Variants in LPAR1 observed in about 807,000 individuals in gnomAD.
The protein encoded by LPAR1 is LPA receptor 1.
LPAR1 carries 5 observed loss-of-function variants against 23.8 expected under a neutral mutation model. The observed-to-expected ratio is 0.21, with a 90% CI of 0.11 to 0.44. The LOEUF (loss-of-function observed/expected upper bound fraction) is 0.44. Among genes scored for constraint, LPAR1 ranks in the 20% least tolerant of loss-of-function variants. The pLI is 0.99. For missense variants in LPAR1, 311 were observed against 482.8 expected, an observed-to-expected ratio of 0.64 and a Z score of 3.33; for synonymous variants, 160 against 164.7, an observed-to-expected ratio of 0.97 and a Z score of 0.22.
chr9:110,978,837 T>G (rs145078148), intron 2 of LPAR1, among the ~76,000 whole-genome samples: 51 of 152,248 alleles, frequency 3.3e-4, no homozygotes, highest in African/African-American at 1.1e-3. Flanking sequence ...ACAGGATGCT[T>G]AAAAAGTGGT....
intron 5 of LPAR1, among the ~76,000 whole-genome samples, chr9:110,910,480 G>A (rs956154343): frequency 2.0e-5 from 3 of 152,170 alleles, no homozygotes; most frequent in Non-Finnish European, 4.4e-5. Context: ...GGATATTAAT[G>A]TTGTGTTCAT....
At chr9:110,884,447 A>G (rs779388446) in intron 5 of LPAR1, among the ~76,000 whole-genome samples, 3 of 152,218 alleles carry the variant, frequency 2.0e-5, no homozygotes, top group Non-Finnish European at 4.4e-5. Context: ...TACTTCTGTC[A>G]TCAGACTATT....
chr9:111,019,335 A>C (rs564840474), intron 2 of LPAR1, among the ~76,000 whole-genome samples: 2 of 152,260 alleles, frequency 1.3e-5, no homozygotes, highest in East Asian at 3.9e-4. Flanking sequence ...AAAAGATAAT[A>C]AACAGTATTT....
chr9:110,965,053 T>C (rs1219350404), intron 4 of LPAR1, among the ~76,000 whole-genome samples: 1 of 151,934 alleles, frequency 6.6e-6, no homozygotes, highest in Non-Finnish European at 1.5e-5. Flanking sequence ...GTATTTTCAG[T>C]AGAGACGGGG....
intron 5 of LPAR1, among the ~76,000 whole-genome samples, chr9:110,905,139 G>C (rs1392996275): frequency 7.0e-6 from 1 of 142,812 alleles, no homozygotes; most frequent in Non-Finnish European, 1.6e-5. Flanking sequence ...GGAACTAAAG[G>C]AACTATATGA....
intron 2 of LPAR1, among the ~76,000 whole-genome samples, chr9:111,034,782 G>C (rs1443109004): frequency 6.6e-6 from 1 of 151,872 alleles, no homozygotes; most frequent in Non-Finnish European, 1.5e-5. Flanking sequence ...CTTCCTCCTT[G>C]CCTCCCTATC....
At chr9:110,974,002 C>T (rs1295881296) in intron 2 of LPAR1, among the ~76,000 whole-genome samples, 4 of 152,076 alleles carry the variant, frequency 2.6e-5, no homozygotes, top group Non-Finnish European at 5.9e-5. Context: ...GAAACCCCAT[C>T]TCTACTTAAA....
chr9:110,961,931 G>C (rs939171724), intron 4 of LPAR1, among the ~76,000 whole-genome samples: 2 of 152,138 alleles, frequency 1.3e-5, no homozygotes, highest in African/African-American at 4.8e-5. Context: ...ATTTGGGTGG[G>C]AACACAGTCA....
At chr9:110,959,055 C>CAA (rs61391639) in intron 4 of LPAR1, among the ~76,000 whole-genome samples, 8 of 99,608 alleles carry the variant, frequency 8.0e-5, no homozygotes, top group African/African-American at 2.8e-4. Flanking sequence ...ATTAAAAAGA[C>CAA]AAAAAAAAAA....
intron 2 of LPAR1, among the ~76,000 whole-genome samples, chr9:111,024,172 A>G (rs972386662): frequency 2.6e-5 from 4 of 152,094 alleles, no homozygotes; most frequent in South Asian, 2.1e-4. Context: ...AATGTAGAAA[A>G]AAATCCTGAG....
At chr9:110,946,552 C>T (rs774318710) in intron 4 of LPAR1, among the ~76,000 whole-genome samples, 5 of 151,848 alleles carry the variant, frequency 3.3e-5, no homozygotes, top group East Asian at 1.9e-4. Flanking sequence ...TGTTTTCATA[C>T]GAGGACAATA....
At chr9:110,892,827 A>C (rs1478514722) in intron 5 of LPAR1, among the ~76,000 whole-genome samples, 1 of 27,774 alleles carries the variant, frequency 3.6e-5, no homozygotes, top group African/African-American at 2.0e-4. Flanking sequence ...GAAGGAAGGA[A>C]GGCAGGCAGG....
intron 2 of LPAR1, among the ~76,000 whole-genome samples, chr9:111,008,033 G>A (rs1268564892): frequency 6.6e-6 from 1 of 152,000 alleles, no homozygotes; most frequent in Non-Finnish European, 1.5e-5. Context: ...AATTAGCTCG[G>A]TGTGGTCGTG....
intron 4 of LPAR1, among the ~76,000 whole-genome samples, chr9:110,963,589 C>G (rs2096080407): frequency 1.3e-5 from 2 of 152,168 alleles, no homozygotes; most frequent in Admixed American, 1.3e-4. Flanking sequence ...AGAACACCAA[C>G]ATGGCACATG....
At chr9:110,989,975 A>G (rs866269820) in intron 2 of LPAR1, among the ~76,000 whole-genome samples, 18 of 20,130 alleles carry the variant, frequency 8.9e-4, no homozygotes, top group African/African-American at 3.3e-3. Context: ...AGAGTAGATT[A>G]GTAGATTTTA....
intron 4 of LPAR1, 42 bp from the exon 5 acceptor site, chr9:110,942,210 G>A: frequency 6.5e-7 from 1 of 1,550,324 alleles, no homozygotes; most frequent in Non-Finnish European, 8.7e-7. Flanking sequence ...AGAAGGCACA[G>A]GTCCAAATTT....
chr9:110,992,684 ACTAT>A (rs1244722955), intron 2 of LPAR1, among the ~76,000 whole-genome samples: 2 of 152,192 alleles, frequency 1.3e-5, no homozygotes, highest in South Asian at 2.1e-4. Flanking sequence ...TATGTATAAT[ACTAT>A]CTATCACTCT....
Position 110,933,304 on chromosome 9 carries a change from T to C in LPAR1, c.793+8117A>G, listed in dbSNP as rs142622919. The stretch of plus-strand genomic sequence containing the variant: ...GACTTGGTGTGTAGGTAGATGTGAA[T>C]GGATGTGGGTGTGTCAAAAAAGAGA... On this transcript the variant is annotated intron_variant, in intron 5 of 5. Coordinates refer to ENST00000683809, the MANE Select transcript of LPAR1 (RefSeq NM_001351411.2). Among the ~76,000 whole-genome samples the C allele has an allele frequency of 7.7e-3, 1,167 of 152,212 alleles. 13 individuals carry two copies. The highest frequency in any genetic ancestry group is 0.026 in the African/African-American group (1,096 of 41,514).
At position 110,875,659 on chromosome 9, in the gene LPAR1, T is replaced by C. The variant is rs753785201; in HGVS notation, c.857A>G (p.Gln286Arg). The C allele has an allele frequency of 1.2e-6, 2 of 1,614,030 alleles. No homozygotes were observed. Among genetic ancestry groups the C allele is most frequent in the East Asian group, 4.5e-5 (2 of 44,868 alleles). Residue 286 changes from glutamine to arginine, a missense_variant, in exon 6 of 6, where the codon CAG (glutamine) becomes CGG (arginine). Physicochemically the swap from Gln to Arg is conservative, Grantham distance 43. Coordinates refer to ENST00000683809, the MANE Select transcript of LPAR1 (RefSeq NM_001351411.2). ...VLLLLDVCCP[Q>R]CDVLAYEKFF... ...TTTCTCATAGGCCAGCACGTCGCACTGTGGACAGCACACGTCTAGAAGTAA... is the reference window on the plus strand; with the variant it reads ...TTTCTCATAGGCCAGCACGTCGCACCGTGGACAGCACACGTCTAGAAGTAA...
Sources: gnomAD v4.1 joint callset for allele counts (sites outside exome capture counted in the v4.1 genomes callset) on GRCh38, gnomAD v4.1.1 for gene constraint, MANE v1.5 for transcripts, NCBI Gene and HGNC (gene_info 2026-07-23, HGNC 2026-07-21) for gene names.